The following GSAP variants were observed in gnomAD, a reference collection of about 807,000 sequenced individuals.
The protein encoded by GSAP is gamma-secretase-activating protein.
GSAP carries 118 observed loss-of-function variants against 131.7 expected under a neutral mutation model. The observed-to-expected ratio is 0.90, with a 90% CI of 0.77 to 1.04. The LOEUF is 1.04. Among genes scored for constraint, GSAP ranks in the 50% least tolerant of loss-of-function variants. The probability of loss-of-function intolerance (pLI) is 0.00; values close to 1 mark genes in which losing one functional copy is unlikely to be tolerated. For synonymous variants in GSAP, 381 were observed against 363.4 expected (o/e 1.05, Z -0.55); for missense variants, 1,019 against 1,013.2 (o/e 1.01, Z -0.08).
chr7:77,321,350 A>G lies in GSAP; in HGVS notation c.1977T>C (p.His659=), dbSNP rs1002739859. 1 of 1,600,144 alleles carries G rather than the reference A, an allele frequency of 6.2e-7. No homozygotes were observed. Among genetic ancestry groups the G allele is most frequent in the Non-Finnish European group, 8.6e-7 (1 of 1,167,344 alleles). ...TTGCGTACAAGTGGAGAACCCAGGA[A>G]TGAAGATTATGTTTCCTCCAATTGG... ...VETNWRKHNL[H]SWVLHFNSRG... is the part of the protein sequence containing the mutation. Residue 659 remains histidine, a synonymous_variant, in exon 25 of 31, where the codon CAT becomes CAC. Coordinates refer to ENST00000257626, the MANE Select transcript of GSAP (RefSeq NM_017439.4).
chr7:77,357,493 C>T (rs6970887), intron 14 of GSAP, among the ~76,000 whole-genome samples: 48,435 of 151,976 alleles, frequency 0.32, 9,068 homozygotes, highest in African/African-American at 0.52. Flanking sequence ...GTAGTTGGAA[C>T]GAAGTGGCCA....
At chr7:77,353,847 T>A (rs1490253232) in intron 16 of GSAP, among the ~76,000 whole-genome samples, 2 of 152,238 alleles carry the variant, frequency 1.3e-5, no homozygotes, top group Non-Finnish European at 2.9e-5. Flanking sequence ...ATCCTTTTTA[T>A]ACATCTTTTT....
rs373460309 is a variant in GSAP, at chr7:77,353,581, A to G, written c.1399T>C (p.Phe467Leu). The G allele has an allele frequency of 1.2e-6, 2 of 1,607,310 alleles. No individual in the cohort carries two copies. Among genetic ancestry groups the G allele is most frequent in the African/African-American group, 2.7e-5 (2 of 74,780 alleles). Residue 467 changes from phenylalanine (F) to leucine (L), a missense_variant, in exon 17 of 31, where the codon TTT becomes CTT. Phe to Leu is a conservative substitution (Grantham distance 22). Coordinates refer to ENST00000257626, the MANE Select transcript of GSAP (RefSeq NM_017439.4). The part of the protein sequence containing the change: ...ACHSFDLIQE[F>L]IIASSYWSVY... Reference sequence around the variant, plus strand: ...CATCAGCAACACTTACCAATTATAAATTCCTGAATGAGGTCAAATGAATGG... The same window carrying G: ...CATCAGCAACACTTACCAATTATAAGTTCCTGAATGAGGTCAAATGAATGG...
intron 12 of GSAP, among the ~76,000 whole-genome samples, chr7:77,365,190 C>T (rs1300037441): frequency 6.6e-6 from 1 of 152,070 alleles, no homozygotes; most frequent in Non-Finnish European, 1.5e-5. Context: ...CTCATGTGAT[C>T]TTCCTACTTT....
chr7:77,401,016 T>C (rs10225095), intron 3 of GSAP, among the ~76,000 whole-genome samples: 4,484 of 150,098 alleles, frequency 0.03, 228 homozygotes, highest in African/African-American at 0.1. Flanking sequence ...TCAGTGAACT[T>C]GAAAACAATA....
intron 19 of GSAP, among the ~76,000 whole-genome samples, chr7:77,336,535 G>A (rs1054754704): frequency 1.3e-5 from 2 of 152,042 alleles, no homozygotes; most frequent in Non-Finnish European, 2.9e-5. Flanking sequence ...GCCCAGGCTG[G>A]AGTGCAATGG....
intron 18 of GSAP, 138 bp downstream of exon 18, chr7:77,352,806 A>G: frequency 1.9e-6 from 1 of 537,952 alleles, no homozygotes. Flanking sequence ...TTCTGCCAAA[A>G]AAAATTCAAC....
At chr7:77,400,776 A>G (rs982443755) in intron 3 of GSAP, among the ~76,000 whole-genome samples, 2 of 152,216 alleles carry the variant, frequency 1.3e-5, no homozygotes, top group Admixed American at 1.3e-4. Context: ...CTGAGATAAC[A>G]AAGATATTGG....
chr7:77,311,891 G>A lies in GSAP; in HGVS notation c.2423C>T (p.Pro808Leu). 3 of 1,604,392 alleles carry A rather than the reference G, an allele frequency of 1.9e-6. No individual in the cohort carries two copies. The highest frequency in any genetic ancestry group is 2.6e-6 in the Non-Finnish European group (3 of 1,171,224). The change falls in exon 30 of 31, where the codon CCT (proline) becomes CTT (leucine). Residue 808 changes from proline (P) to leucine (L), a missense_variant. Transcript: ENST00000257626. ...NKSSFSVEFL[P>L]LNYFIEILTD... ...CAGAATTTCAATGAAGTAGTTCAGA[G>A]GCAGAAATTCTACACTGAACGATGA... is the stretch of plus-strand genomic sequence containing the variant.
In GSAP at chr7:77,360,335, C is replaced by T. The variant is rs77056906; in HGVS notation, c.1027+489G>A. On this transcript the variant is annotated intron_variant, in intron 14 of 30. Coordinates refer to ENST00000257626, the MANE Select transcript of GSAP (RefSeq NM_017439.4). ...TTCCTCATTATACTCAGGTTCCCTT[C>T]GCCATATTTACTCAATGAAAACAAC... Among the ~76,000 whole-genome samples the T allele has an allele frequency of 1.8e-4, 28 of 152,228 alleles. No individual in the cohort carries two copies. In the East Asian group the frequency reaches 4.6e-3, roughly 25 times the overall value.
At chr7:77,332,114 C>T (rs1310261379) in intron 19 of GSAP, among the ~76,000 whole-genome samples, 1 of 152,116 alleles carries the variant, frequency 6.6e-6, no homozygotes, top group Non-Finnish European at 1.5e-5. Context: ...GCAGTTCACC[C>T]AGACCTTGCC....
chr7:77,312,709 TGTGAGTGA>T (rs1794535451), intron 28 of GSAP, among the ~76,000 whole-genome samples: 4 of 152,194 alleles, frequency 2.6e-5, no homozygotes, highest in African/African-American at 9.7e-5. Context: ...TCAGTAAGCC[TGTGAGTGA>T]GGGGCAAGGG....
chr7:77,407,610 A>G (rs1802517211), intron 1 of GSAP, among the ~76,000 whole-genome samples: 2 of 152,192 alleles, frequency 1.3e-5, no homozygotes, highest in Admixed American at 1.3e-4. Flanking sequence ...AAGTTGTAAC[A>G]GGCATCCTTG....
At chr7:77,329,298 A>C (rs1419098167) in intron 21 of GSAP, 35 bp downstream of exon 21, 1 of 1,207,334 alleles carries the variant, frequency 8.3e-7, no homozygotes, top group Non-Finnish European at 1.2e-6. Context: ...AATGTCAACC[A>C]TCTTACAGAT....
Position 77,397,368 on chromosome 7 carries a change from G to A in GSAP, c.291C>T (p.Val97=). The part of the protein sequence containing the change: ...EKDLQVFSCS[V]NSERTLLAAS... ...TACCAAGCAAAGTCCTTTCACTGTT[G>A]ACAGAGCAACTGAAAACTTGCAAGT... The change falls in exon 4 of 31, where the codon GTC becomes GTT. Residue 97 remains valine, a synonymous_variant. Coordinates refer to ENST00000257626, the MANE Select transcript of GSAP (RefSeq NM_017439.4). 1 of 1,605,602 alleles carries A rather than the reference G, an allele frequency of 6.2e-7. No homozygotes were observed. Among genetic ancestry groups the A allele is most frequent in the South Asian group, 1.1e-5 (1 of 90,298 alleles).
chr7:77,408,000 G>T (rs1193234189), intron 1 of GSAP, among the ~76,000 whole-genome samples: 1 of 152,178 alleles, frequency 6.6e-6, no homozygotes, highest in African/African-American at 2.4e-5. Flanking sequence ...GGTACAAATT[G>T]TATGTTTCAA....
At chr7:77,320,911 G>GTGGCTTGA in intron 25 of GSAP, 92 bp from the exon 26 acceptor site, 1 of 760,026 alleles carries the variant, frequency 1.3e-6, no homozygotes, top group Non-Finnish European at 2.3e-6. Flanking sequence ...ACTACACAAG[G>GTGGCTTGA]GTTCATGCTA....
At chr7:77,394,784 G>A (rs1238588875) in intron 5 of GSAP, among the ~76,000 whole-genome samples, 1 of 152,152 alleles carries the variant, frequency 6.6e-6, no homozygotes, top group African/African-American at 2.4e-5. Context: ...ATTCTCCTGG[G>A]CATCATGCCC....
chr7:77,350,029 A>C (rs989434281), intron 18 of GSAP, among the ~76,000 whole-genome samples: 9 of 152,126 alleles, frequency 5.9e-5, no homozygotes. Context: ...CCAAATGTCC[A>C]ACAATGATAG....
Sources: allele counts gnomAD v4.1 joint callset (sites outside exome capture counted in the v4.1 genomes callset), GRCh38; gene constraint gnomAD v4.1.1; transcripts MANE v1.5; gene names NCBI Gene and HGNC (gene_info 2026-07-23, HGNC 2026-07-21).